Variants in CST2 observed in about 807,000 individuals in gnomAD.
CST2 encodes cystatin SA, also known as cystatin-SA.
A neutral mutation model predicts 13.4 loss-of-function variants in CST2; 26 were observed. That is an observed-to-expected ratio of 1.95 (90% confidence interval 1.43 to 2.70). The LOEUF is 2.70. CST2 is among the 30% of genes most tolerant of loss of function. CST2 has a pLI of 0.00. For synonymous variants in CST2, 105 were observed against 71.1 expected (o/e 1.48, Z -2.40); for missense variants, 243 against 173.4 (o/e 1.40, Z -2.25).
chr20:23,823,917 C>T lies in CST2; in HGVS notation c.*103G>A, dbSNP rs1352742829. ...TCTCTGTCTTCTCCTGCTGCAGGTG[C>T]ATGGGGAGACCTCCCACAGGGTGGG... is the stretch of plus-strand genomic sequence containing the variant. On this transcript the variant is annotated 3_prime_UTR_variant, in exon 3 of 3. Transcript: ENST00000304725. 20 of 1,221,910 alleles carry T rather than the reference C, an allele frequency of 1.6e-5. No homozygotes were observed. In the East Asian group the frequency reaches 4.1e-4, roughly 25 times the overall value. The allele number at this position is 1,221,910 out of a possible 1,614,324, so 75.7% of individuals were successfully genotyped here. A position where few individuals can be genotyped will look rare whatever the true frequency, so the allele number is the denominator to read the frequency against.
Position 23,826,422 on chromosome 20 carries a change from G to A in CST2, c.228+11C>T, listed in dbSNP as rs754982888. The A allele has an allele frequency of 1.9e-6, 3 of 1,612,828 alleles. No homozygotes were observed. Among genetic ancestry groups the A allele is most frequent in the East Asian group, 2.2e-5 (1 of 44,888 alleles). ...GGGACTCAGGACCCCTCAGGTGGAG[G>A]CAGCACCCACCTGCTCCCTGGCTCG... On this transcript the variant is annotated intron_variant, in intron 1 of 2. Transcript: ENST00000304725.
chr20:23,826,295 CAG>C (rs1407185840), intron 1 of CST2, 136 bp downstream of exon 1: 12 of 743,006 alleles, frequency 1.6e-5, no homozygotes, highest in African/African-American at 7.0e-5. Flanking sequence ...AGGCCATAAG[CAG>C]AGAGTCAGGG....
At chr20:23,825,637 C>A (rs1984809267) in intron 1 of CST2, among the ~76,000 whole-genome samples, 1 of 152,192 alleles carries the variant, frequency 6.6e-6, no homozygotes, top group Non-Finnish European at 1.5e-5. Context: ...AATAGGCGTC[C>A]GGGCCTGATG....
At chr20:23,824,673 T>C (rs758089470) in intron 2 of CST2, among the ~76,000 whole-genome samples, 3 of 152,060 alleles carry the variant, frequency 2.0e-5, no homozygotes, top group African/African-American at 7.2e-5. Context: ...CTGATCATTG[T>C]GTCTGTGGCT....
In CST2 at chr20:23,823,849, AG is replaced by A. The variant is rs1276384793; in HGVS notation, c.*170del. 1.6e-6 allele frequency: 1 copy of A among 642,392 alleles called. No individual in the cohort carries two copies. Among genetic ancestry groups the A allele is most frequent in the African/African-American group, 1.8e-5 (1 of 54,442 alleles). The allele number at this position is 642,392 out of a possible 1,614,324, so 39.8% of individuals were successfully genotyped here. The stretch of plus-strand genomic sequence containing the variant: ...CTATGAGAAGCAAAAGGAAGGAGGG[AG>A]GGCAGAGTCCCCTGCTGAGCAACAA... On this transcript the variant is annotated 3_prime_UTR_variant, in exon 3 of 3. Coordinates refer to ENST00000304725, the MANE Select transcript of CST2 (RefSeq NM_001322.3).
intron 2 of CST2, 57 bp from the exon 3 acceptor site, chr20:23,824,160 A>ATG (rs1984753456): frequency 1.9e-5 from 30 of 1,576,662 alleles, no homozygotes; most frequent in East Asian, 9.0e-5. Flanking sequence ...AGGGGAAGTC[A>ATG]CCCAGGCATG....
chr20:23,824,323 G>A (rs190870342), intron 2 of CST2, among the ~76,000 whole-genome samples: 154 of 152,196 alleles, frequency 1.0e-3, no homozygotes, highest in African/African-American at 3.3e-3. Flanking sequence ...GGCCCCCACC[G>A]CAGCCTGCAG....
In CST2 at chr20:23,825,243, G is replaced by C. The variant is rs745397117; in HGVS notation, c.309C>G (p.Thr103=). 1 of 1,614,138 alleles carries C rather than the reference G, an allele frequency of 6.2e-7. No individual in the cohort carries two copies. The highest frequency in any genetic ancestry group is 1.1e-5 in the South Asian group (1 of 91,078). The stretch of plus-strand genomic sequence containing the variant: ...GTTCTGGCTGTTCATGGAAGGCACA[G>C]GTGTCCAAGTTGGGCTGGGACTTGG... ...ICTKSQPNLD[T]CAFHEQPELQ... Residue 103 remains threonine, a synonymous_variant, in exon 2 of 3, where the codon ACC becomes ACG. Coordinates refer to ENST00000304725, the MANE Select transcript of CST2 (RefSeq NM_001322.3).
At position 23,826,646 on chromosome 20, in the gene CST2, C is replaced by G; in HGVS notation, c.15G>C (p.Leu5=). MAWP[L]CTLLLLLATQ... ...TGGCCAGCAGGAGCAGCAGGGTGCA[C>G]AGGGGCCAGGCCATGGTCTCCTCGG... The change falls in exon 1 of 3, where the codon CTG becomes CTC. Residue 5 remains leucine (L), a synonymous_variant. Coordinates refer to ENST00000304725, the MANE Select transcript of CST2 (RefSeq NM_001322.3). 6.2e-7 allele frequency: 1 copy of G among 1,605,002 alleles called. No individual in the cohort carries two copies. Among genetic ancestry groups the G allele is most frequent in the Middle Eastern group, 2.0e-4 (1 of 5,106 alleles).
rs1984845932 is a variant in CST2 at position 23,826,512 on chromosome 20, A to G, written c.149T>C (p.Phe50Ser). The change falls in exon 1 of 3, where the codon TTT (phenylalanine) becomes TCT (serine). Residue 50 changes from phenylalanine (F) to serine (S), a missense_variant. Coordinates refer to ENST00000304725, the MANE Select transcript of CST2 (RefSeq NM_001322.3). ...GGCCTTGTTATACTCGCTGATGACAAAGTGAAGGGCACGCTGTACCCGCTC... is the reference window on the plus strand; with the variant it reads ...GGCCTTGTTATACTCGCTGATGACAGAGTGAAGGGCACGCTGTACCCGCTC... ...NDERVQRALH[F>S]VISEYNKATE... 6.2e-7 allele frequency: 1 copy of G among 1,614,024 alleles called. No individual in the cohort carries two copies. Among genetic ancestry groups the G allele is most frequent in the African/African-American group, 1.3e-5 (1 of 74,924 alleles).
chr20:23,826,163 G>A (rs1215598245), intron 1 of CST2, among the ~76,000 whole-genome samples: 7 of 152,160 alleles, frequency 4.6e-5, no homozygotes, highest in African/African-American at 7.2e-5. Context: ...TTCCTGTGTG[G>A]CCCCTGAGGA....
At position 23,824,005 on chromosome 20, in the gene CST2, C is replaced by A; in HGVS notation, c.*15G>T. The A allele has an allele frequency of 6.2e-7, 1 of 1,613,772 alleles. No individual in the cohort carries two copies. Among genetic ancestry groups the A allele is most frequent in the Non-Finnish European group, 8.5e-7 (1 of 1,179,752 alleles). ...GGAGTAGGAGGTGGTCAGTGTGACT[C>A]CCTGGCACAGATCCCTAGGCTTCTT... On this transcript the variant is annotated 3_prime_UTR_variant, in exon 3 of 3. Coordinates refer to ENST00000304725, the MANE Select transcript of CST2 (RefSeq NM_001322.3).
chr20:23,825,095 T>C, intron 2 of CST2, 115 bp downstream of exon 2: 10 of 1,427,388 alleles, frequency 7.0e-6, no homozygotes, highest in African/African-American at 1.4e-5. Context: ...CATACATGAC[T>C]CCCCACATAC....
At chr20:23,824,510 G>T (rs944332379) in intron 2 of CST2, among the ~76,000 whole-genome samples, 18 of 152,286 alleles carry the variant, frequency 1.2e-4, no homozygotes, top group Middle Eastern at 3.4e-3. Context: ...CCGCCTCAAA[G>T]AGCTGGGGCA....
Position 23,826,469 on chromosome 20 carries a change from G to T in CST2, c.192C>A (p.Tyr64Ter), listed in dbSNP as rs778126750. The T allele has an allele frequency of 1.1e-5, 17 of 1,614,068 alleles. No homozygotes were observed. In the Admixed American group the frequency reaches 1.2e-4, roughly 11 times the overall value. The part of the protein sequence containing the change: ...EYNKATEDEY[Y>*]RRLLRVLRAR... ...CTCGTAGCACCCGCAGCAGGCGTCTGTAGTACTCATCTTCAGTGGCCTTGT... is the reference window on the plus strand; with the variant it reads ...CTCGTAGCACCCGCAGCAGGCGTCTTTAGTACTCATCTTCAGTGGCCTTGT... The change falls in exon 1 of 3, where the codon TAC (tyrosine) becomes TAA (stop). Residue 64 changes from tyrosine (Y) to a stop codon, truncating the protein, a stop_gained. Coordinates refer to ENST00000304725, the MANE Select transcript of CST2 (RefSeq NM_001322.3). LOFTEE classifies it high-confidence loss of function.
rs114591498 is a variant in CST2, at chr20:23,823,988, A to T, written c.*32T>A. On this transcript the variant is annotated 3_prime_UTR_variant, in exon 3 of 3. Coordinates refer to ENST00000304725, the MANE Select transcript of CST2 (RefSeq NM_001322.3). Reference sequence around the variant, plus strand: ...GAGCACTACAAGGGGTGGGAGTAGGAGGTGGTCAGTGTGACTCCCTGGCAC... The same window carrying T: ...GAGCACTACAAGGGGTGGGAGTAGGTGGTGGTCAGTGTGACTCCCTGGCAC... The T allele has an allele frequency of 2.9e-3, 4,606 of 1,610,030 alleles. 99 individuals carry two copies. In the African/African-American group the frequency reaches 0.053, roughly 18 times the overall value.
Position 23,826,599 on chromosome 20 carries a change from C to T in CST2, c.62G>A (p.Trp21Ter), listed in dbSNP as rs775943509. The T allele has an allele frequency of 6.2e-7, 1 of 1,613,496 alleles. No homozygotes were observed. The highest frequency in any genetic ancestry group is 1.7e-5 in the Admixed American group (1 of 59,982). The change falls in exon 1 of 3, where the codon TGG (tryptophan) becomes TAG (stop). Residue 21 changes from tryptophan (W) to a stop codon, truncating the protein, a stop_gained. Coordinates refer to ENST00000304725, the MANE Select transcript of CST2 (RefSeq NM_001322.3). LOFTEE classifies it high-confidence loss of function. ...TATCCTGTCCTCCTCCTGGGGGCTCCAGGCCAGGGCCACAGCCTGGGTGGC... is the reference window on the plus strand; with the variant it reads ...TATCCTGTCCTCCTCCTGGGGGCTCTAGGCCAGGGCCACAGCCTGGGTGGC... Reference protein sequence around the residue: ...LLATQAVALAWSPQEEDRIIE... With the variant: ...LLATQAVALA
chr20:23,823,897 G>C lies in CST2; in HGVS notation c.*123C>G, dbSNP rs1347829548. On this transcript the variant is annotated 3_prime_UTR_variant, in exon 3 of 3. Transcript: ENST00000304725. ...ACAAAGGCCTCCTGCAGCCTTCTCT[G>C]TCTTCTCCTGCTGCAGGTGCATGGG... 3 of 1,036,406 alleles carry C rather than the reference G, an allele frequency of 2.9e-6. No homozygotes were observed. Among genetic ancestry groups the C allele is most frequent in the Admixed American group, 2.1e-5 (1 of 46,702 alleles). The allele number at this position is 1,036,406 out of a possible 1,614,324, so 64.2% of individuals were successfully genotyped here.
Position 23,824,413 on chromosome 20 carries a change from T to C in CST2, c.343-310A>G, listed in dbSNP as rs558256369. Among the ~76,000 whole-genome samples the C allele has an allele frequency of 7.8e-4, 119 of 151,836 alleles. 1 individual carries two copies. Among genetic ancestry groups the C allele is most frequent in the African/African-American group, 2.8e-3 (114 of 41,386 alleles). On this transcript the variant is annotated intron_variant, in intron 2 of 2. Transcript: ENST00000304725. Reference sequence around the variant, plus strand: ...CCCAAGGGTGCAGGGCATGGGGAGGTGGCTCACTTCCCCCAGCTCCTTCCA... The same window carrying C: ...CCCAAGGGTGCAGGGCATGGGGAGGCGGCTCACTTCCCCCAGCTCCTTCCA...
Sources: gnomAD v4.1 joint callset for allele counts (sites outside exome capture counted in the v4.1 genomes callset) on GRCh38, gnomAD v4.1.1 for gene constraint, MANE v1.5 for transcripts, NCBI Gene and HGNC (gene_info 2026-07-23, HGNC 2026-07-21) for gene names.